The following MUC4 variants were observed in gnomAD, a reference collection of about 807,000 sequenced individuals.
MUC4 encodes mucin 4, cell surface associated.
A neutral mutation model predicts 257.9 loss-of-function variants in MUC4; 202 were observed. The observed-to-expected ratio is 0.78, with a 90% CI of 0.70 to 0.88. The LOEUF is 0.88. MUC4 is among the 40% of genes least tolerant of loss of function. The probability of loss-of-function intolerance (pLI) is 0.00; values close to 1 mark genes in which losing one functional copy is unlikely to be tolerated. For synonymous variants in MUC4, 2,351 were observed against 2,757.1 expected (o/e 0.85, Z 4.62); for missense variants, 5,976 against 6,513.7 (o/e 0.92, Z 2.84).
chr3:195,747,530 A>T (rs1715293540), intron 24 of MUC4, 150 bp from the exon 25 acceptor site: 1 of 984,860 alleles, frequency 1.0e-6, no homozygotes, highest in Admixed American at 2.5e-5. Flanking sequence ...GGCCGTGCTG[A>T]AGTGAGACCA....
In MUC4 at chr3:195,810,813, C is replaced by T. The variant is rs1318852867; in HGVS notation, c.82+923G>A. On this transcript the variant is annotated intron_variant, in intron 1 of 24. Transcript: ENST00000463781. This position sits in a 1 kb window ranked among gnomAD's most constrained non-coding sequence, Gnocchi z 4.2. ...CGTCTCACCTGTCTCGTCCTCTCAC[C>T]CTGCAGCTTTACATGAGTTTTCTTC... 6.6e-6 allele frequency among the ~76,000 whole-genome samples: 1 copy of T among 152,066 alleles called. No individual in the cohort carries two copies. Among genetic ancestry groups the T allele is most frequent in the East Asian group, 1.9e-4 (1 of 5,190 alleles).
rs1729204781 is a variant in MUC4, at chr3:195,783,162, AGC to A, written c.8416_8417del (p.Ala2806PhefsTer103). The A allele has an allele frequency of 1.4e-6, 2 of 1,438,506 alleles. No individual in the cohort carries two copies. The highest frequency in any genetic ancestry group is 3.0e-5 in the African/African-American group (2 of 67,702). 89.1% of individuals were successfully genotyped at this position (1,438,506 alleles called of 1,614,324 possible). ...GHTTPLPVTD[A>X]SSVSTGHATS... Reference sequence around the variant, plus strand: ...TGGCGTGACCTGTGGACACTGACGAAGCGTCGGTGACAGGAAGAGGGGTGGTG... The same window carrying A: ...TGGCGTGACCTGTGGACACTGACGAAGTCGGTGACAGGAAGAGGGGTGGTG... On this transcript the variant is annotated frameshift_variant, in exon 2 of 25. Transcript: ENST00000463781. LOFTEE classifies it high-confidence loss of function.
intron 1 of MUC4, among the ~76,000 whole-genome samples, chr3:195,807,717 A>T (rs575206500): frequency 5.3e-4 from 80 of 152,324 alleles, no homozygotes; most frequent in African/African-American, 1.8e-3. Flanking sequence ...TGTGAGCTAC[A>T]CGATGTGCAT....
At chr3:195,766,599 G>T in intron 8 of MUC4, 64 bp downstream of exon 8, 1 of 1,445,218 alleles carries the variant, frequency 6.9e-7, no homozygotes, top group Non-Finnish European at 9.7e-7. Flanking sequence ...CTGCGATGGT[G>T]TATGGGCTGG....
At chr3:195,778,172 C>G (rs1311087263) in intron 3 of MUC4, 131 bp downstream of exon 3, 1 of 1,245,292 alleles carries the variant, frequency 8.0e-7, no homozygotes, top group Non-Finnish European at 1.1e-6. Context: ...GGAGCGACTC[C>G]GATGCTGTGT....
chr3:195,799,827 A>T (rs1735071222), intron 1 of MUC4, among the ~76,000 whole-genome samples: 1 of 152,194 alleles, frequency 6.6e-6, no homozygotes. Flanking sequence ...ATTAATACAG[A>T]CTGCCAAATT....
chr3:195,792,770 G>A lies in MUC4; in HGVS notation c.83-1273C>T, dbSNP rs377302745. Among the ~76,000 whole-genome samples, 131 of 152,292 alleles carry A rather than the reference G, an allele frequency of 8.6e-4. 1 individual carries two copies. Among genetic ancestry groups the A allele is most frequent in the African/African-American group, 2.9e-3 (122 of 41,560 alleles). ...TGATAGACTGGATAAAGAAAATGTG[G>A]TACATATGCAGCACGGAATACTATG... On this transcript the variant is annotated intron_variant, in intron 1 of 24. Coordinates refer to ENST00000463781, the MANE Select transcript of MUC4 (RefSeq NM_018406.7).
chr3:195,789,416 C>T lies in MUC4; in HGVS notation c.2164G>A (p.Ala722Thr), dbSNP rs1389543735. ...ALQAAPSSHD[A>T]TLGPSGGTSL... ...GTGCCTCCTGAGGGCCCCAGGGTGGCATCATGGCTGCTGGGTGCTGCCTGC... is the reference window on the plus strand; with the variant it reads ...GTGCCTCCTGAGGGCCCCAGGGTGGTATCATGGCTGCTGGGTGCTGCCTGC... The change falls in exon 2 of 25, where the codon GCC becomes ACC. Residue 722 changes from alanine to threonine, a missense_variant. Physicochemically the swap from Ala to Thr is moderately conservative, Grantham distance 58. This residue lies in a region of MUC4 where 1,583 missense variants were observed against 1,257.4 expected (regional missense o/e 1.26). Coordinates refer to ENST00000463781, the MANE Select transcript of MUC4 (RefSeq NM_018406.7). 6 of 1,613,816 alleles carry T rather than the reference C, an allele frequency of 3.7e-6. No homozygotes were observed. The highest frequency in any genetic ancestry group is 5.1e-6 in the Non-Finnish European group (6 of 1,179,868).
chr3:195,761,668 G>T (rs1237534446), intron 14 of MUC4, 83 bp from the exon 15 acceptor site: 2 of 1,103,870 alleles, frequency 1.8e-6, no homozygotes, highest in Non-Finnish European at 2.7e-6. Flanking sequence ...GCAGTGGGGA[G>T]AGGCCAGGGC....
At chr3:195,792,590 A>G (rs1365754751) in intron 1 of MUC4, among the ~76,000 whole-genome samples, 1 of 152,250 alleles carries the variant, frequency 6.6e-6, no homozygotes, top group Non-Finnish European at 1.5e-5. Flanking sequence ...TCAAGGATCT[A>G]GAACCAGAAA....
chr3:195,803,126 C>T (rs1235098309), intron 1 of MUC4, among the ~76,000 whole-genome samples: 1 of 152,178 alleles, frequency 6.6e-6, no homozygotes, highest in East Asian at 1.9e-4. Flanking sequence ...GGGCTAAAAC[C>T]TTGAGAGAGA....
At chr3:195,770,958 T>C in intron 5 of MUC4, 1 of 439,158 alleles carries the variant, frequency 2.3e-6, no homozygotes. Context: ...CGTGGCCGGG[T>C]TGGGGTATTC....
rs555812053 is a variant in MUC4 at position 195,762,799 on chromosome 3, C to T, written c.14344+56G>A. On this transcript the variant is annotated intron_variant, in intron 13 of 24. Coordinates refer to ENST00000463781, the MANE Select transcript of MUC4 (RefSeq NM_018406.7). Reference sequence around the variant, plus strand: ...GGCCCTGCACCGCAACGCGGCTTCCCGCCCACCTCGCTGCTCCCGGTGCGG... The same window carrying T: ...GGCCCTGCACCGCAACGCGGCTTCCTGCCCACCTCGCTGCTCCCGGTGCGG... 44 of 1,460,386 alleles carry T rather than the reference C, an allele frequency of 3.0e-5. 1 individual carries two copies. The African/African-American group carries it at 5.2e-4, about 17-fold the overall frequency. The allele number at this position is 1,460,386 out of a possible 1,614,324, so 90.5% of individuals were successfully genotyped here. A position where few individuals can be genotyped will look rare whatever the true frequency, so the allele number is the denominator to read the frequency against.
intron 1 of MUC4, among the ~76,000 whole-genome samples, chr3:195,808,233 T>C (rs1158747700): frequency 6.6e-6 from 1 of 152,182 alleles, no homozygotes; most frequent in African/African-American, 2.4e-5. Context: ...GCTTTTCTTT[T>C]TTTTTTAGAC....
intron 1 of MUC4, among the ~76,000 whole-genome samples, chr3:195,800,888 C>T (rs145165062): frequency 9.8e-6 from 1 of 101,914 alleles, no homozygotes; most frequent in African/African-American, 4.1e-5. Context: ...GACCCCTTCT[C>T]TGAAAAAAAA....
chr3:195,808,501 G>A (rs554145290), intron 1 of MUC4, among the ~76,000 whole-genome samples: 37 of 152,244 alleles, frequency 2.4e-4, no homozygotes, highest in African/African-American at 7.7e-4. Context: ...CACCGCGCCC[G>A]GCCCTTTATG....
Position 195,781,689 on chromosome 3 carries a change from A to T in MUC4, c.9891T>A (p.Leu3297=). 1 of 1,364,558 alleles carries T rather than the reference A, an allele frequency of 7.3e-7. No homozygotes were observed. The highest frequency in any genetic ancestry group is 9.9e-7 in the Non-Finnish European group (1 of 1,011,108). The allele number at this position is 1,364,558 out of a possible 1,614,324, so 84.5% of individuals were successfully genotyped here. A position where few individuals can be genotyped will look rare whatever the true frequency, so the allele number is the denominator to read the frequency against. The part of the protein sequence containing the change: ...SSSSTGDTTP[L]LVTETSSVST... ...ATACTGAGGAAGTCTCGGTGACAAGAAGAGGGGTGGTGTCACCTGTGGATG... is the reference window on the plus strand; with the variant it reads ...ATACTGAGGAAGTCTCGGTGACAAGTAGAGGGGTGGTGTCACCTGTGGATG... Residue 3297 remains leucine (L), a synonymous_variant, in exon 2 of 25, where the codon CTT becomes CTA. Transcript: ENST00000463781.
Position 195,810,362 on chromosome 3 carries a change from C to A in MUC4, c.82+1374G>T, listed in dbSNP as rs1459108756. The A allele has an allele frequency of 6.6e-6, 1 of 152,374 alleles. No homozygotes were observed. Among genetic ancestry groups the A allele is most frequent in the African/African-American group, 2.4e-5 (1 of 41,460 alleles). 9.4% of individuals were successfully genotyped at this position (152,374 alleles called of 1,614,324 possible). A position where few individuals can be genotyped will look rare whatever the true frequency, so the allele number is the denominator to read the frequency against. ...GGCAGGGCAGGAGCTGAGACTCTAA[C>A]CCCAGCTTGAACTCTGGACCCCAGA... On this transcript the variant is annotated intron_variant, in intron 1 of 24. Transcript: ENST00000463781. This position sits in a 1 kb window ranked among gnomAD's most constrained non-coding sequence, Gnocchi z 4.2.
rs767121126 is a variant in MUC4 at position 195,785,075 on chromosome 3, C to A, written c.6505G>T (p.Ala2169Ser). The A allele has an allele frequency of 6.5e-7, 1 of 1,541,412 alleles. No individual in the cohort carries two copies. The highest frequency in any genetic ancestry group is 1.4e-5 in the African/African-American group (1 of 71,374). The part of the protein sequence containing the change: ...TSLPVTDTSS[A>S]STGHATSLPV... ...AGAGAGGTGGCGTGACCTGTGGATGCTGAGGAAGTGTCGGTGACAGGAAGA... is the reference window on the plus strand; with the variant it reads ...AGAGAGGTGGCGTGACCTGTGGATGATGAGGAAGTGTCGGTGACAGGAAGA... The change falls in exon 2 of 25, where the codon GCA becomes TCA. Residue 2169 changes from alanine (A) to serine (S), a missense_variant. This residue lies in a region of MUC4 where 85 missense variants were observed against 325.0 expected (regional missense o/e 0.26). Transcript: ENST00000463781.
Sources: allele counts gnomAD v4.1 joint callset (sites outside exome capture counted in the v4.1 genomes callset), GRCh38; gene constraint gnomAD v4.1.1; regional missense constraint gnomAD v4.1.1; non-coding constraint Gnocchi (gnomAD v3.1); transcripts MANE v1.5; gene names NCBI Gene and HGNC (gene_info 2026-07-23, HGNC 2026-07-21).